Variants in SYT14 observed in about 807,000 individuals in gnomAD.
SYT14 encodes synaptotagmin 14, also known as synaptotagmin-14.
A neutral mutation model predicts 74.2 loss-of-function variants in SYT14; 32 were observed. The ratio of observed to expected loss-of-function variants is 0.43; its 90% CI spans 0.33 to 0.58. The LOEUF (loss-of-function observed/expected upper bound fraction) is 0.58. Among genes scored for constraint, SYT14 ranks in the 20% least tolerant of loss-of-function variants. The probability of loss-of-function intolerance (pLI) is 0.05; values close to 1 mark genes in which losing one functional copy is unlikely to be tolerated. For missense variants in SYT14, 791 were observed against 981.8 expected, an observed-to-expected ratio of 0.81 and a Z score of 2.60; for synonymous variants, 298 against 337.7, an observed-to-expected ratio of 0.88 and a Z score of 1.29.
chr1:209,996,586 A>ACTC (rs2079802480), intron 2 of SYT14, among the ~76,000 whole-genome samples: 2 of 151,966 alleles, frequency 1.3e-5, no homozygotes, highest in African/African-American at 4.8e-5. Context: ...AGGAGGAGGG[A>ACTC]CTCCTCCCTA....
chr1:210,131,299 CA>C (rs1558210514), intron 7 of SYT14, among the ~76,000 whole-genome samples: 1 of 152,038 alleles, frequency 6.6e-6, no homozygotes, highest in African/African-American at 2.4e-5. Flanking sequence ...AAGTTGTTTT[CA>C]TAATCCATTT....
At chr1:210,087,597 G>C (rs1401601686) in intron 5 of SYT14, among the ~76,000 whole-genome samples, 1 of 152,050 alleles carries the variant, frequency 6.6e-6, no homozygotes, top group Non-Finnish European at 1.5e-5. Context: ...AGCATGCTCT[G>C]TAGGACTGCC....
chr1:209,996,270 A>G (rs2079789224), intron 2 of SYT14, among the ~76,000 whole-genome samples: 4 of 152,252 alleles, frequency 2.6e-5, no homozygotes, highest in East Asian at 1.9e-4. Context: ...CAAAGATGGC[A>G]GTATAACTGA....
chr1:210,106,263 A>C (rs1273759304), intron 7 of SYT14, among the ~76,000 whole-genome samples: 5 of 152,180 alleles, frequency 3.3e-5, no homozygotes, highest in Non-Finnish European at 7.3e-5. Context: ...GCTGCAGTGC[A>C]TGCCCAAAGA....
chr1:210,131,109 A>C (rs1392544955), intron 7 of SYT14, among the ~76,000 whole-genome samples: 1 of 152,218 alleles, frequency 6.6e-6, no homozygotes, highest in Non-Finnish European at 1.5e-5. Context: ...TTAAGATTTT[A>C]ATTCATATGA....
At chr1:210,006,484 A>G (rs1334009634) in intron 2 of SYT14, among the ~76,000 whole-genome samples, 3 of 151,940 alleles carry the variant, frequency 2.0e-5, no homozygotes, top group Non-Finnish European at 4.4e-5. Context: ...TTAAATGTAA[A>G]ACAGGTATAT....
intron 7 of SYT14, among the ~76,000 whole-genome samples, chr1:210,143,658 C>T (rs1002657931): frequency 6.6e-6 from 1 of 151,994 alleles, no homozygotes; most frequent in Non-Finnish European, 1.5e-5. Flanking sequence ...GAAACTGGGT[C>T]GGCAGGGGGC....
chr1:210,098,961 G>C lies in SYT14; in HGVS notation c.1585-1051G>C, dbSNP rs576254209. 1.2e-4 allele frequency among the ~76,000 whole-genome samples: 19 copies of C among 152,150 alleles called. No homozygotes were observed. The East Asian group carries it at 3.7e-3, about 29-fold the overall frequency. On this transcript the variant is annotated intron_variant, in intron 6 of 9. Transcript: ENST00000637265. ...TGCCTGCCTCAGCTCCCCAAATCTT[G>C]TGGGTAGTATTTCTAGCTAACACTC...
chr1:210,166,260 G>T (rs1283708719), exon 10 of SYT14: 1 of 152,188 alleles, frequency 6.6e-6, no homozygotes, highest in Non-Finnish European at 1.5e-5. Flanking sequence ...GTATCCTTAA[G>T]AATTATTTTG....
chr1:210,134,353 C>T (rs541495291), intron 7 of SYT14, among the ~76,000 whole-genome samples: 3 of 152,222 alleles, frequency 2.0e-5, no homozygotes, highest in South Asian at 2.1e-4. Flanking sequence ...GCAATCCACC[C>T]GCTTCAGCCT....
At chr1:209,997,645 C>G (rs1209535574) in intron 2 of SYT14, among the ~76,000 whole-genome samples, 2 of 152,036 alleles carry the variant, frequency 1.3e-5, no homozygotes, top group Admixed American at 6.6e-5. Flanking sequence ...ACGTTGGATA[C>G]TCAGGGACAT....
intron 5 of SYT14, among the ~76,000 whole-genome samples, chr1:210,093,670 G>A (rs1487636232): frequency 6.6e-6 from 1 of 152,202 alleles, no homozygotes; most frequent in Admixed American, 6.5e-5. Flanking sequence ...GATGTAGAGT[G>A]GGATAGAGTG....
At chr1:209,959,068 A>G (rs1012815083) in intron 2 of SYT14, among the ~76,000 whole-genome samples, 1 of 152,232 alleles carries the variant, frequency 6.6e-6, no homozygotes. Context: ...CCTATACCCA[A>G]GAAAATTGAA....
Position 210,094,392 on chromosome 1 carries a change from CAG to C in SYT14, c.1384_1385del (p.Ser462TrpfsTer16). On this transcript the variant is annotated frameshift_variant, in exon 6 of 10. Transcript: ENST00000637265. LOFTEE classifies it high-confidence loss of function. ...TGCAGCCACCACCATATCAGGATGA[CAG>C]TGGTTCTCCCCATCTGTCATGTACA... is the stretch of plus-strand genomic sequence containing the variant. The C allele has an allele frequency of 1.2e-6, 2 of 1,614,004 alleles. No homozygotes were observed. The highest frequency in any genetic ancestry group is 1.7e-6 in the Non-Finnish European group (2 of 1,179,962).
At chr1:210,072,330 A>G (rs1181196887) in intron 5 of SYT14, among the ~76,000 whole-genome samples, 1 of 151,916 alleles carries the variant, frequency 6.6e-6, no homozygotes, top group Non-Finnish European at 1.5e-5. Flanking sequence ...AGAGGCATAG[A>G]GTGAGCCATA....
At chr1:210,117,067 T>A (rs1236527173) in intron 7 of SYT14, among the ~76,000 whole-genome samples, 1 of 152,176 alleles carries the variant, frequency 6.6e-6, no homozygotes, top group Non-Finnish European at 1.5e-5. Context: ...GTATGCCACT[T>A]CTCAGTCAAG....
chr1:209,979,167 C>T (rs1265882944), intron 2 of SYT14, among the ~76,000 whole-genome samples: 1 of 152,178 alleles, frequency 6.6e-6, no homozygotes, highest in Non-Finnish European at 1.5e-5. Context: ...TGAGGCGATG[C>T]CTCGCCCTGC....
chr1:210,138,112 A>G (rs566838284), intron 7 of SYT14, among the ~76,000 whole-genome samples: 1 of 152,242 alleles, frequency 6.6e-6, no homozygotes, highest in Non-Finnish European at 1.5e-5. Flanking sequence ...AACACTGCCA[A>G]TAAAGACATA....
At chr1:210,101,335 T>C (rs2082062074) in intron 7 of SYT14, among the ~76,000 whole-genome samples, 1 of 152,178 alleles carries the variant, frequency 6.6e-6, no homozygotes, top group Non-Finnish European at 1.5e-5. Context: ...TAGGTTTATA[T>C]TTTAAAATAA....
Sources: allele counts gnomAD v4.1 joint callset (sites outside exome capture counted in the v4.1 genomes callset), GRCh38; gene constraint gnomAD v4.1.1; transcripts MANE v1.5; gene names NCBI Gene and HGNC (gene_info 2026-07-23, HGNC 2026-07-21).